Variants in PARD3B observed in about 807,000 individuals in gnomAD.
The protein encoded by PARD3B is partitioning defective 3 homolog B.
A neutral mutation model predicts 130.2 loss-of-function variants in PARD3B; 103 were observed. That is an observed-to-expected ratio of 0.79 (90% CI 0.67 to 0.93). PARD3B has a LOEUF of 0.93. Among genes scored for constraint, PARD3B ranks in the 40% least tolerant of loss-of-function variants. The probability of loss-of-function intolerance (pLI) is 0.00; values close to 1 mark genes in which losing one functional copy is unlikely to be tolerated. For synonymous variants in PARD3B, 583 were observed against 553.2 expected, an observed-to-expected ratio of 1.05 and a Z score of -0.76; for missense variants, 1,609 against 1,499.2, an observed-to-expected ratio of 1.07 and a Z score of -1.21.
At chr2:205,430,570 A>G (rs1228888291) in intron 19 of PARD3B, among the ~76,000 whole-genome samples, 1 of 152,220 alleles carries the variant, frequency 6.6e-6, no homozygotes, top group East Asian at 1.9e-4. Context: ...TTCCATCATC[A>G]CGGAAAATCC....
In PARD3B at chr2:204,602,178, C is replaced by A. The variant is rs1356854708; in HGVS notation, c.120+56059C>A. Among the ~76,000 whole-genome samples, 4 of 152,050 alleles carry A rather than the reference C, an allele frequency of 2.6e-5. No individual in the cohort carries two copies. The East Asian group carries it at 7.7e-4, about 29-fold the overall frequency. On this transcript the variant is annotated intron_variant, in intron 1 of 22. Coordinates refer to ENST00000406610, the MANE Select transcript of PARD3B (RefSeq NM_001302769.2). ...TTTTGCACAATGGAGCCAAAAGTCTCATCAAATGGACAGAATAAATGACAT... is the reference window on the plus strand; with the variant it reads ...TTTTGCACAATGGAGCCAAAAGTCTAATCAAATGGACAGAATAAATGACAT...
chr2:204,908,078 CCTCT>C (rs1344736579), intron 2 of PARD3B, among the ~76,000 whole-genome samples: 2 of 152,124 alleles, frequency 1.3e-5, no homozygotes, highest in African/African-American at 4.8e-5. Flanking sequence ...TTGTTACCAG[CCTCT>C]CTATCATAAT....
Position 204,890,152 on chromosome 2 carries a change from A to T in PARD3B, c.223-75000A>T, listed in dbSNP as rs1359263315. 1.3e-5 allele frequency among the ~76,000 whole-genome samples: 2 copies of T among 152,172 alleles called. No individual in the cohort carries two copies. Among genetic ancestry groups the T allele is most frequent in the Non-Finnish European group, 2.9e-5 (2 of 68,036 alleles). On this transcript the variant is annotated intron_variant, in intron 2 of 22. Transcript: ENST00000406610. This position sits in a 1 kb window ranked among gnomAD's most constrained non-coding sequence, Gnocchi z 4.9. ...TCTCCGCATGCCAGCAGGAGCACTC[A>T]CCACACTGCAATCCATCTGGCCCCT...
At chr2:204,838,275 T>C (rs1366595137) in intron 2 of PARD3B, among the ~76,000 whole-genome samples, 1 of 151,856 alleles carries the variant, frequency 6.6e-6, no homozygotes, top group Non-Finnish European at 1.5e-5. Context: ...CTCCACCTCC[T>C]GGGTTCCAGT....
chr2:205,361,310 T>C (rs1303624970), intron 18 of PARD3B, among the ~76,000 whole-genome samples: 1 of 152,080 alleles, frequency 6.6e-6, no homozygotes, highest in Non-Finnish European at 1.5e-5. Context: ...AGATGGAAAA[T>C]CTAATGTCAT....
In PARD3B at chr2:204,545,712, C is replaced by A; in HGVS notation, c.-288C>A. The A allele has an allele frequency of 4.1e-6, 1 of 245,220 alleles. No homozygotes were observed. The highest frequency in any genetic ancestry group is 6.9e-6 in the Non-Finnish European group (1 of 145,816). The allele number at this position is 245,220 out of a possible 1,614,324, so 15.2% of individuals were successfully genotyped here. A position where few individuals can be genotyped will look rare whatever the true frequency, so the allele number is the denominator to read the frequency against. On this transcript the variant is annotated 5_prime_UTR_variant, in exon 1 of 23. Coordinates refer to ENST00000406610, the MANE Select transcript of PARD3B (RefSeq NM_001302769.2). ...CGCCTGGGCCGGGCAGGAGTAGGAG[C>A]GGGAGGAGGAGGAGGAGGAGCCGGT...
intron 3 of PARD3B, among the ~76,000 whole-genome samples, chr2:204,989,477 G>GTA (rs1693457679): frequency 6.6e-6 from 1 of 152,104 alleles, no homozygotes. Flanking sequence ...ACTGTGGTAT[G>GTA]TATGAAGAGA....
chr2:205,057,499 A>G (rs143408681), intron 4 of PARD3B, among the ~76,000 whole-genome samples: 1 of 144,720 alleles, frequency 6.9e-6, no homozygotes, highest in East Asian at 2.0e-4. Flanking sequence ...ATATGTATAT[A>G]TACATATATG....
At chr2:204,898,184 T>C (rs2125700568) in intron 2 of PARD3B, among the ~76,000 whole-genome samples, 1 of 152,148 alleles carries the variant, frequency 6.6e-6, no homozygotes, top group South Asian at 2.1e-4. Context: ...TCTTTTTTTT[T>C]ATTTTTAATT....
chr2:204,920,679 C>A (rs2047641366), intron 2 of PARD3B, among the ~76,000 whole-genome samples: 1 of 152,136 alleles, frequency 6.6e-6, no homozygotes, highest in Non-Finnish European at 1.5e-5. Context: ...ATTTACTCAA[C>A]CAGATTGACA....
chr2:204,860,215 TA>T (rs201999312), intron 2 of PARD3B, among the ~76,000 whole-genome samples: 13 of 149,692 alleles, frequency 8.7e-5, no homozygotes, highest in Admixed American at 1.3e-4. Flanking sequence ...TTTCTTAGGC[TA>T]AAAAAAAAAT....
intron 2 of PARD3B, among the ~76,000 whole-genome samples, chr2:204,777,728 C>T (rs1316707776): frequency 6.6e-6 from 1 of 152,138 alleles, no homozygotes; most frequent in African/African-American, 2.4e-5. Flanking sequence ...ATGATTGCAC[C>T]ACTGAACTCC....
At chr2:204,756,892 T>C (rs1406764961) in intron 2 of PARD3B, among the ~76,000 whole-genome samples, 1 of 152,082 alleles carries the variant, frequency 6.6e-6, no homozygotes, top group African/African-American at 2.4e-5. Flanking sequence ...CAATAAGTAG[T>C]TTTTCAACCC....
intron 2 of PARD3B, among the ~76,000 whole-genome samples, chr2:204,837,150 A>G (rs1007619268): frequency 1.2e-4 from 19 of 152,118 alleles, no homozygotes; most frequent in Non-Finnish European, 7.3e-5. Context: ...ATCTTGCAAC[A>G]TACATTCTAG....
At chr2:205,042,114 T>C (rs1187532892) in intron 3 of PARD3B, among the ~76,000 whole-genome samples, 3 of 152,164 alleles carry the variant, frequency 2.0e-5, no homozygotes, top group Non-Finnish European at 2.9e-5. Context: ...CTTTAACTAA[T>C]GGCTGCCACT....
intron 16 of PARD3B, among the ~76,000 whole-genome samples, chr2:205,247,269 C>T (rs2039611956): frequency 6.6e-6 from 1 of 152,110 alleles, no homozygotes; most frequent in East Asian, 1.9e-4. Flanking sequence ...TATTAGGTGG[C>T]AATTAAAAGT....
chr2:204,633,813 A>G (rs1256914708), intron 1 of PARD3B, among the ~76,000 whole-genome samples: 1 of 152,154 alleles, frequency 6.6e-6, no homozygotes, highest in Non-Finnish European at 1.5e-5. Flanking sequence ...CTGTGTCTCA[A>G]AAAAACATAT....
chr2:204,612,259 T>C (rs967410554), intron 1 of PARD3B, among the ~76,000 whole-genome samples: 1 of 152,232 alleles, frequency 6.6e-6, no homozygotes, highest in African/African-American at 2.4e-5. Context: ...CTTTTGCTTT[T>C]ACCAGATGAG....
At chr2:205,156,381 G>A (rs2034164973) in intron 10 of PARD3B, among the ~76,000 whole-genome samples, 1 of 151,432 alleles carries the variant, frequency 6.6e-6, no homozygotes, top group African/African-American at 2.4e-5. Context: ...CCTGCACATT[G>A]TGCACATGTA....
Sources: gnomAD v4.1 joint callset for allele counts (sites outside exome capture counted in the v4.1 genomes callset) on GRCh38, gnomAD v4.1.1 for gene constraint, Gnocchi (gnomAD v3.1) non-coding constraint, MANE v1.5 for transcripts, NCBI Gene and HGNC (gene_info 2026-07-23, HGNC 2026-07-21) for gene names.